The following ENOX2 variants were observed in gnomAD, a reference collection of about 807,000 sequenced individuals.
The protein encoded by ENOX2 is ecto-NOX disulfide-thiol exchanger 2.
ENOX2 carries 36 observed loss-of-function variants against 45.0 expected under a neutral mutation model. The ratio of observed to expected loss-of-function variants is 0.80; its 90% CI spans 0.61 to 1.06. The LOEUF (loss-of-function observed/expected upper bound fraction) is 1.06, where lower values mean the gene tolerates loss of function less well. Ranked by LOEUF, ENOX2 falls within the 50% of genes least tolerant of loss-of-function variation. ENOX2 has a pLI of 0.00. For missense variants in ENOX2, 423 were observed against 462.5 expected (o/e 0.91, Z 0.78); for synonymous variants, 174 against 152.3 (o/e 1.14, Z -1.05).
chrX:130,630,125 A>G (rs1216891655), intron 13 of ENOX2, among the ~76,000 whole-genome samples: 6 of 111,098 alleles, frequency 5.4e-5, no homozygotes, highest in Non-Finnish European at 3.8e-5. Flanking sequence ...TTCTTTAACC[A>G]TTTGTGCCAT....
At chrX:130,882,253 G>A (rs970764735) in intron 2 of ENOX2, among the ~76,000 whole-genome samples, 5 of 106,826 alleles carry the variant, frequency 4.7e-5, no homozygotes, top group African/African-American at 6.8e-5. Context: ...TATAGAGAGC[G>A]TTGTGTAGTG....
At chrX:130,777,428 GGAGGTGAGCTGT>G (rs1255323348) in intron 3 of ENOX2, among the ~76,000 whole-genome samples, 1 of 107,877 alleles carries the variant, frequency 9.3e-6, no homozygotes, top group Non-Finnish European at 1.9e-5. Flanking sequence ...CTGAGGCTTG[GGAGGTGAGCTGT>G]GATAGAGCCA....
chrX:130,893,057 C>A (rs2079007907), intron 2 of ENOX2, among the ~76,000 whole-genome samples: 1 of 111,491 alleles, frequency 9.0e-6, no homozygotes, highest in East Asian at 2.8e-4. Flanking sequence ...GCTTATTCAA[C>A]CACAAGTGTT....
chrX:130,799,842 G>T (rs1436725371), intron 2 of ENOX2, among the ~76,000 whole-genome samples: 1 of 110,806 alleles, frequency 9.0e-6, no homozygotes, highest in Non-Finnish European at 1.9e-5. Context: ...TTAGCAGGCA[G>T]TAAATGATTT....
chrX:130,724,725 T>C (rs2038565629), intron 3 of ENOX2, among the ~76,000 whole-genome samples: 2 of 111,834 alleles, frequency 1.8e-5, no homozygotes, highest in South Asian at 7.5e-4. Context: ...GTTGCATCAG[T>C]TTCAAACACA....
chrX:130,740,354 T>C lies in ENOX2; in HGVS notation c.-38-37100A>G, dbSNP rs79220170. On this transcript the variant is annotated intron_variant, in intron 3 of 14. Transcript: ENST00000394363. ...AGGCGGAGGTTGCTGTGAGCCAAGA[T>C]ATTCTGCCACTGCACTCTAGCCTGG... Among the ~76,000 whole-genome samples the C allele has an allele frequency of 4.8e-3, 521 of 109,547 alleles. 5 individuals are homozygous for C. Among genetic ancestry groups the C allele is most frequent in the African/African-American group, 0.017 (502 of 29,980 alleles).
Position 130,683,580 on chromosome X carries a change from C to T in ENOX2, c.254-3832G>A, listed in dbSNP as rs1439938281. ...AGCAGATGATATTCCATTACTTATT[C>T]CCTGTTCACTGTTATTTCCCAGTAG... On this transcript the variant is annotated intron_variant, in intron 5 of 14. Transcript: ENST00000394363. 3.6e-5 allele frequency among the ~76,000 whole-genome samples: 4 copies of T among 111,301 alleles called. No homozygotes were observed. The East Asian group carries it at 1.1e-3, about 31-fold the overall frequency.
chrX:130,763,225 G>C (rs771742275), intron 3 of ENOX2, among the ~76,000 whole-genome samples: 1 of 110,439 alleles, frequency 9.1e-6, no homozygotes, highest in Admixed American at 9.7e-5. Context: ...GGCAGGGGAG[G>C]GGGGTGTTAT....
intron 9 of ENOX2, among the ~76,000 whole-genome samples, chrX:130,664,651 G>A (rs191589012): frequency 1.8e-5 from 2 of 112,211 alleles, no homozygotes; most frequent in East Asian, 5.6e-4. Flanking sequence ...GCTGAGAAAG[G>A]CTGAATAACT....
At chrX:130,717,667 C>G (rs775001766) in intron 3 of ENOX2, among the ~76,000 whole-genome samples, 10 of 112,231 alleles carry the variant, frequency 8.9e-5, no homozygotes, top group South Asian at 3.7e-4. Flanking sequence ...TCCACTGACT[C>G]ACAGTGTCTT....
intron 10 of ENOX2, among the ~76,000 whole-genome samples, chrX:130,655,862 C>T (rs2036534045): frequency 8.9e-6 from 1 of 112,059 alleles, no homozygotes; most frequent in African/African-American, 3.2e-5. Flanking sequence ...TCTCGAACTC[C>T]TGACCTCAGG....
rs146592269 is a variant in ENOX2 at position 130,686,927 on chromosome X, G to C, written c.253+1936C>G. ...TTTACTGGTGCTAGTTGCCCCGTAA[G>C]CATTCTCAATACAAGGATGAAGAAC... On this transcript the variant is annotated intron_variant, in intron 5 of 14. Coordinates refer to ENST00000394363, the MANE Select transcript of ENOX2 (RefSeq NM_006375.4). 3.5e-4 allele frequency among the ~76,000 whole-genome samples: 39 copies of C among 111,814 alleles called. No homozygotes were observed. In the East Asian group the frequency reaches 0.01, roughly 29 times the overall value.
intron 2 of ENOX2, among the ~76,000 whole-genome samples, chrX:130,859,708 C>G (rs1342499012): frequency 9.0e-6 from 1 of 111,715 alleles, no homozygotes; most frequent in Non-Finnish European, 1.9e-5. Context: ...AAATGTCTGA[C>G]AGGGTGGGGG....
At chrX:130,800,235 C>T (rs1009784903) in intron 2 of ENOX2, among the ~76,000 whole-genome samples, 1 of 109,181 alleles carries the variant, frequency 9.2e-6, no homozygotes, top group South Asian at 3.9e-4. Context: ...TTATTAAAGC[C>T]AAGCATGGTA....
intron 8 of ENOX2, 83 bp downstream of exon 8, chrX:130,667,447 T>C (rs962555256): frequency 1.1e-6 from 1 of 872,050 alleles, no homozygotes; most frequent in African/African-American, 1.9e-5. Context: ...AGGATGGCTC[T>C]GGAGGCCTGA....
At chrX:130,637,678 T>A (rs1300260230) in intron 10 of ENOX2, among the ~76,000 whole-genome samples, 2 of 111,791 alleles carry the variant, frequency 1.8e-5, no homozygotes, top group Non-Finnish European at 3.8e-5. Context: ...TTATTTGAAA[T>A]GTAGGAAATA....
chrX:130,707,820 G>T (rs1319700205), intron 3 of ENOX2, among the ~76,000 whole-genome samples: 1 of 112,117 alleles, frequency 8.9e-6, no homozygotes, highest in Non-Finnish European at 1.9e-5. Context: ...AAGAGCATTG[G>T]TCTGGGAGTC....
At chrX:130,809,069 T>C (rs936228927) in intron 2 of ENOX2, among the ~76,000 whole-genome samples, 1 of 112,396 alleles carries the variant, frequency 8.9e-6, no homozygotes, top group Admixed American at 9.4e-5. Flanking sequence ...TATGTTCCTA[T>C]TGAGCAACAA....
At chrX:130,786,472 A>C (rs1227974458) in intron 2 of ENOX2, among the ~76,000 whole-genome samples, 1 of 102,065 alleles carries the variant, frequency 9.8e-6, no homozygotes, top group Non-Finnish European at 2.0e-5. Context: ...TTACATATGT[A>C]TACATGTGCC....
Sources: gnomAD v4.1 joint callset for allele counts (sites outside exome capture counted in the v4.1 genomes callset) on GRCh38, gnomAD v4.1.1 for gene constraint, MANE v1.5 for transcripts, NCBI Gene and HGNC (gene_info 2026-07-23, HGNC 2026-07-21) for gene names.